The following CNTRL variants were observed in gnomAD, a reference collection of about 807,000 sequenced individuals.
CNTRL encodes 110 kDa centrosomal protein.
Under a neutral mutation model 303.7 loss-of-function variants are expected in CNTRL, and 233 were observed. The observed-to-expected ratio is 0.77, with a 90% confidence interval of 0.69 to 0.86. The LOEUF (loss-of-function observed/expected upper bound fraction) is 0.86. CNTRL is among the 40% of genes least tolerant of loss of function. The pLI is 0.00. For missense variants in CNTRL, 2,524 were observed against 2,650.6 expected, an observed-to-expected ratio of 0.95 and a Z score of 1.05; for synonymous variants, 900 against 922.2, an observed-to-expected ratio of 0.98 and a Z score of 0.44.
At chr9:121,161,079 G>C (rs1177898853) in intron 32 of CNTRL, among the ~76,000 whole-genome samples, 1 of 152,056 alleles carries the variant, frequency 6.6e-6, no homozygotes, top group Non-Finnish European at 1.5e-5. Flanking sequence ...ATGAAAAAAA[G>C]TAGGTAAAAA....
At chr9:121,090,466 T>C in intron 4 of CNTRL, 61 bp downstream of exon 4, 3 of 1,485,452 alleles carry the variant, frequency 2.0e-6, no homozygotes, top group Non-Finnish European at 2.7e-6. Flanking sequence ...GCTTTAATAC[T>C]GCGAAAAAAA....
At chr9:121,115,262 C>T in intron 11 of CNTRL, 62 bp downstream of exon 11, 3 of 919,958 alleles carry the variant, frequency 3.3e-6, no homozygotes, top group Non-Finnish European at 3.4e-6. Context: ...TTTTTCCCTT[C>T]ATAACCATAT....
chr9:121,168,495 A>G (rs1197361908), intron 38 of CNTRL, among the ~76,000 whole-genome samples, 174 bp downstream of exon 38: 1 of 152,196 alleles, frequency 6.6e-6, no homozygotes, highest in African/African-American at 2.4e-5. Flanking sequence ...GGTTCAGAGG[A>G]GATACAATCC....
intron 7 of CNTRL, among the ~76,000 whole-genome samples, chr9:121,106,011 A>G (rs1340529624): frequency 2.6e-5 from 4 of 152,200 alleles, no homozygotes; most frequent in Non-Finnish European, 5.9e-5. Flanking sequence ...CTTCAAAGCC[A>G]GAAAACAAAA....
At chr9:121,107,658 TCCAAAACCA>T in intron 7 of CNTRL, 135 bp from the exon 8 acceptor site, 1 of 555,558 alleles carries the variant, frequency 1.8e-6, no homozygotes. Flanking sequence ...AGTCTTTTTT[TCCAAAACCA>T]TGGTGGCTAA....
chr9:121,082,939 C>T (rs1233066566), intron 2 of CNTRL, among the ~76,000 whole-genome samples: 2 of 143,294 alleles, frequency 1.4e-5, no homozygotes, highest in Admixed American at 7.4e-5. Flanking sequence ...CACTGCACAC[C>T]AGCCTGGGCG....
rs955484917 is a variant in CNTRL at position 121,139,728 on chromosome 9, A to G, written c.2338-913A>G. ...ATGACCCTTATTTACCCATTGCCCA[A>G]CCTAAACAGTTGTCAACATTCATTG... On this transcript the variant is annotated intron_variant, in intron 16 of 43. Transcript: ENST00000373855. Among the ~76,000 whole-genome samples, 22 of 152,150 alleles carry G rather than the reference A, an allele frequency of 1.4e-4. 1 individual carries two copies. Among genetic ancestry groups the G allele is most frequent in the African/African-American group, 3.6e-4 (15 of 41,428 alleles).
chr9:121,167,495 C>T lies in CNTRL; in HGVS notation c.5662C>T (p.Leu1888Phe). Residue 1888 changes from leucine to phenylalanine, a missense_variant, in exon 37 of 44, where the codon CTT becomes TTT. Leu to Phe is a conservative substitution (Grantham distance 22). Transcript: ENST00000373855. Reference sequence around the variant, plus strand: ...CTTGTTCTTTCACCTAAAGGACCTGCTTCACACCACCAAGCATCAGGATGT... The same window carrying T: ...CTTGTTCTTTCACCTAAAGGACCTGTTTCACACCACCAAGCATCAGGATGT... ...DHLNLAKQDL[L>F]HTTKHQDVLL... is the part of the protein sequence containing the mutation. The T allele has an allele frequency of 6.2e-7, 1 of 1,612,732 alleles. No homozygotes were observed. Among genetic ancestry groups the T allele is most frequent in the Non-Finnish European group, 8.5e-7 (1 of 1,179,504 alleles).
rs1399675166 is a variant in CNTRL at position 121,075,141 on chromosome 9, A to C, written c.-205+74A>C. ...AGTGGGGGCCGGCGGCAAAGGCGGG[A>C]AGGCCCGGACCGGGCGTGGTGTGGG... On this transcript the variant is annotated intron_variant, in intron 1 of 43. Transcript: ENST00000373855. 4 of 355,156 alleles carry C rather than the reference A, an allele frequency of 1.1e-5. No homozygotes were observed. In the Admixed American group the frequency reaches 1.5e-4, roughly 13 times the overall value. The allele number at this position is 355,156 out of a possible 1,614,324, so 22.0% of individuals were successfully genotyped here. A position where few individuals can be genotyped will look rare whatever the true frequency, so the allele number is the denominator to read the frequency against.
At chr9:121,161,202 T>G (rs2052837324) in intron 32 of CNTRL, 1 of 410,480 alleles carries the variant, frequency 2.4e-6, no homozygotes, top group Admixed American at 4.5e-5. Flanking sequence ...ATCAAAATGC[T>G]ATTGTAAAAG....
chr9:121,174,103 A>C lies in CNTRL; in HGVS notation c.6747+366A>C, dbSNP rs79847057. On this transcript the variant is annotated intron_variant, in intron 42 of 43. Transcript: ENST00000373855. Reference sequence around the variant, plus strand: ...TTTGGGATACTGGAAAAGTAGGCTGAATGTCAGGTAAGGAATTGTTTGGCT... The same window carrying C: ...TTTGGGATACTGGAAAAGTAGGCTGCATGTCAGGTAAGGAATTGTTTGGCT... Among the ~76,000 whole-genome samples, 1,350 of 152,350 alleles carry C rather than the reference A, an allele frequency of 8.9e-3. 24 individuals carry two copies. Among genetic ancestry groups the C allele is most frequent in the African/African-American group, 0.031 (1,274 of 41,572 alleles).
intron 4 of CNTRL, among the ~76,000 whole-genome samples, chr9:121,092,571 C>A (rs1290934117): frequency 8.8e-4 from 5 of 5,668 alleles, no homozygotes; most frequent in Non-Finnish European, 1.5e-3. Flanking sequence ...TAATATATAT[C>A]TATATATATA....
chr9:121,166,059 A>G, intron 35 of CNTRL, 48 bp from the exon 36 acceptor site: 1 of 1,406,608 alleles, frequency 7.1e-7, no homozygotes, highest in Non-Finnish European at 1.0e-6. Context: ...GAATCTGTAC[A>G]GTAAATACGT....
At chr9:121,142,649 C>G (rs1380504405) in intron 19 of CNTRL, among the ~76,000 whole-genome samples, 1 of 152,184 alleles carries the variant, frequency 6.6e-6, no homozygotes, top group Non-Finnish European at 1.5e-5. Context: ...AATGGCTTTT[C>G]TCCATTCCAC....
chr9:121,112,575 A>C lies in CNTRL; in HGVS notation c.1119A>C (p.Ser373=). 6.2e-7 allele frequency: 1 copy of C among 1,612,500 alleles called. No individual in the cohort carries two copies. Among genetic ancestry groups the C allele is most frequent in the Non-Finnish European group, 8.5e-7 (1 of 1,178,914 alleles). ...AKFEPLNYYP[S]EYAEIDKAPD... is the part of the protein sequence containing the mutation. ...TTGAGCCACTAAATTATTATCCATC[A>C]GAGGTGAGTTATTTTAATTTTTTAG... Residue 373 remains serine (S), a synonymous_variant, in exon 9 of 44, where the codon TCA becomes TCC. Transcript: ENST00000373855.
rs28505004 is a variant in CNTRL, at chr9:121,092,543, T to G, written c.348+2138T>G. ...ATATATAATATATATCTATATATATTATATATATCTATATATATAATATAT... is the reference window on the plus strand; with the variant it reads ...ATATATAATATATATCTATATATATGATATATATCTATATATATAATATAT... On this transcript the variant is annotated intron_variant, in intron 4 of 43. Coordinates refer to ENST00000373855, the MANE Select transcript of CNTRL (RefSeq NM_007018.6). Among the ~76,000 whole-genome samples, 7 of 1,676 alleles carry G rather than the reference T, an allele frequency of 4.2e-3. 3 individuals carry two copies. The highest frequency in any genetic ancestry group is 0.016 in the Admixed American group (1 of 64). The allele number at this position is 1,676 out of a possible 152,430, so 1.1% of individuals were successfully genotyped here.
At chr9:121,155,046 G>C (rs2052492998) in intron 27 of CNTRL, 133 bp downstream of exon 27, 1 of 747,614 alleles carries the variant, frequency 1.3e-6, no homozygotes, top group Admixed American at 2.2e-5. Context: ...TTCCAGGCTG[G>C]ACTCTGCTAG....
At position 121,161,160 on chromosome 9, in the gene CNTRL, G is replaced by A. The variant is rs149221593; in HGVS notation, c.5090-696G>A. ...TGTGTGTGTGTGCGCGCGTGCTCAC[G>A]CGCACACACATGCATTCTTAGAAGG... On this transcript the variant is annotated intron_variant, in intron 32 of 43. Coordinates refer to ENST00000373855, the MANE Select transcript of CNTRL (RefSeq NM_007018.6). The A allele has an allele frequency of 1.6e-3, 606 of 384,814 alleles. 5 individuals are homozygous for A. Among genetic ancestry groups the A allele is most frequent in the African/African-American group, 7.6e-3 (365 of 48,242 alleles). 23.8% of individuals were successfully genotyped at this position (384,814 alleles called of 1,614,324 possible). A position where few individuals can be genotyped will look rare whatever the true frequency, so the allele number is the denominator to read the frequency against.
rs150605773 is a variant in CNTRL at position 121,105,428 on chromosome 9, A to G, written c.809-2374A>G. On this transcript the variant is annotated intron_variant, in intron 7 of 43. Coordinates refer to ENST00000373855, the MANE Select transcript of CNTRL (RefSeq NM_007018.6). Reference sequence around the variant, plus strand: ...TTATTTAGGACATATTCAGTTTGAAATGTCTGTGAGACAACTAAGTGGAGG... The same window carrying G: ...TTATTTAGGACATATTCAGTTTGAAGTGTCTGTGAGACAACTAAGTGGAGG... 1.0e-3 allele frequency among the ~76,000 whole-genome samples: 152 copies of G among 152,364 alleles called. 1 individual carries two copies. The East Asian group carries it at 0.023, about 23-fold the overall frequency.
Sources: allele counts gnomAD v4.1 joint callset (sites outside exome capture counted in the v4.1 genomes callset), GRCh38; gene constraint gnomAD v4.1.1; transcripts MANE v1.5; gene names NCBI Gene and HGNC (gene_info 2026-07-23, HGNC 2026-07-21).